The following WLS variants were observed in gnomAD, a reference collection of about 807,000 sequenced individuals.
WLS encodes Wnt ligand secretion mediator.
WLS carries 23 observed loss-of-function variants against 62.8 expected under a neutral mutation model. That is an observed-to-expected ratio of 0.37 (90% CI 0.26 to 0.52). The LOEUF (loss-of-function observed/expected upper bound fraction) is 0.52, where lower values mean the gene tolerates loss of function less well. WLS is among the 20% of genes least tolerant of loss of function. The pLI, the probability that WLS is intolerant of heterozygous loss-of-function variation, is 0.92. For missense variants in WLS, 615 were observed against 697.3 expected, an observed-to-expected ratio of 0.88 and a Z score of 1.33; for synonymous variants, 246 against 244.1, an observed-to-expected ratio of 1.01 and a Z score of -0.07.
intron 1 of WLS, among the ~76,000 whole-genome samples, chr1:68,216,480 T>C (rs1291070221): frequency 6.6e-6 from 1 of 152,220 alleles, no homozygotes; most frequent in Admixed American, 6.5e-5. Context: ...CAACAGAGCA[T>C]GGGAGAGTTC....
chr1:68,146,531 C>T (rs905453557), intron 8 of WLS, among the ~76,000 whole-genome samples: 2 of 152,212 alleles, frequency 1.3e-5, no homozygotes, highest in East Asian at 1.9e-4. Flanking sequence ...TGGGCTAGTC[C>T]TTGGAGTTTT....
intron 10 of WLS, among the ~76,000 whole-genome samples, chr1:68,139,332 T>C (rs908897085): frequency 6.6e-6 from 1 of 152,198 alleles, no homozygotes; most frequent in Admixed American, 6.5e-5. Flanking sequence ...AATGTCGCTC[T>C]TCTTTAAGTG....
At chr1:68,133,899 G>A (rs538588532) in intron 11 of WLS, among the ~76,000 whole-genome samples, 9 of 152,192 alleles carry the variant, frequency 5.9e-5, no homozygotes, top group South Asian at 2.1e-4. Flanking sequence ...TCTGTGCTCC[G>A]TCCAGGATCC....
At chr1:68,153,429 T>C in intron 5 of WLS, 88 bp downstream of exon 5, 1 of 1,568,960 alleles carries the variant, frequency 6.4e-7, no homozygotes, top group Non-Finnish European at 8.7e-7. Flanking sequence ...ACACACTGGC[T>C]GCTTGAACTG....
At chr1:68,111,234 C>T (rs1646225355) in intron 11 of WLS, among the ~76,000 whole-genome samples, 1 of 152,164 alleles carries the variant, frequency 6.6e-6, no homozygotes, top group African/African-American at 2.4e-5. Flanking sequence ...CTTTGGGGAC[C>T]ATAGATGAAC....
chr1:68,187,262 G>A (rs1249158336), intron 2 of WLS, among the ~76,000 whole-genome samples: 1 of 149,864 alleles, frequency 6.7e-6, no homozygotes, highest in Non-Finnish European at 1.5e-5. Context: ...TTTTTGGTGT[G>A]GTTTTCTTGA....
At chr1:68,206,595 G>A (rs555257699) in intron 1 of WLS, among the ~76,000 whole-genome samples, 33 of 152,300 alleles carry the variant, frequency 2.2e-4, no homozygotes, top group African/African-American at 7.7e-4. Context: ...CTTCGATTCT[G>A]GGCCACAAGT....
intron 11 of WLS, among the ~76,000 whole-genome samples, chr1:68,116,059 AC>A (rs764904523): frequency 2.6e-5 from 4 of 152,150 alleles, no homozygotes; most frequent in Non-Finnish European, 5.9e-5. Context: ...CAGAGCACTC[AC>A]CCTAACAGGG....
intron 11 of WLS, among the ~76,000 whole-genome samples, chr1:68,130,561 A>G (rs1286969961): frequency 6.6e-6 from 1 of 152,204 alleles, no homozygotes; most frequent in Non-Finnish European, 1.5e-5. Flanking sequence ...AGCTAAGTTC[A>G]AATGATAACT....
intron 2 of WLS, among the ~76,000 whole-genome samples, chr1:68,173,966 C>T (rs573729394): frequency 1.3e-5 from 2 of 152,150 alleles, no homozygotes; most frequent in Non-Finnish European, 2.9e-5. Flanking sequence ...AGGAAATAAA[C>T]ATGCATCATT....
chr1:68,109,550 C>G (rs1646193230), intron 11 of WLS, among the ~76,000 whole-genome samples: 1 of 151,800 alleles, frequency 6.6e-6, no homozygotes, highest in South Asian at 2.1e-4. Context: ...CAATGCTAGA[C>G]TATAAAAAGT....
intron 3 of WLS, 39 bp downstream of exon 3, chr1:68,159,084 C>T (rs1251838563): frequency 1.2e-6 from 2 of 1,609,924 alleles, no homozygotes; most frequent in Non-Finnish European, 1.7e-6. Flanking sequence ...ACCTGAGAAC[C>T]AAATAAAAAC....
In WLS at chr1:68,110,651, ATCTCTGTC is replaced by A. The variant is rs780600271; in HGVS notation, c.1511-11906_1511-11899del. The stretch of plus-strand genomic sequence containing the variant: ...GGAACAGACTAAGAAGCCCCCAAAA[ATCTCTGTC>A]TCTCTCTCTCTCTCTCTCTCTCTCT... On this transcript the variant is annotated intron_variant, in intron 11 of 11. Transcript: ENST00000354777. 3.3e-3 allele frequency among the ~76,000 whole-genome samples: 414 copies of A among 126,230 alleles called. 2 individuals are homozygous for A. The highest frequency in any genetic ancestry group is 0.011 in the African/African-American group (373 of 32,530). The allele number at this position is 126,230 out of a possible 152,430, so 82.8% of individuals were successfully genotyped here.
At chr1:68,175,661 T>C (rs925943953) in intron 2 of WLS, among the ~76,000 whole-genome samples, 1 of 152,190 alleles carries the variant, frequency 6.6e-6, no homozygotes, top group Admixed American at 6.5e-5. Flanking sequence ...TATAAAACCA[T>C]GCCTGTCCTC....
At chr1:68,166,122 G>A (rs1376852225) in intron 2 of WLS, among the ~76,000 whole-genome samples, 1 of 152,160 alleles carries the variant, frequency 6.6e-6, no homozygotes, top group Admixed American at 6.5e-5. Flanking sequence ...AAGCTCCTGT[G>A]GTTTCTGTGC....
chr1:68,113,647 C>T (rs1043865020), intron 11 of WLS, among the ~76,000 whole-genome samples: 1 of 152,176 alleles, frequency 6.6e-6, no homozygotes, highest in African/African-American at 2.4e-5. Flanking sequence ...CCGCAAGCCT[C>T]ACTGTTCAAG....
At chr1:68,114,485 G>C (rs1646266173) in intron 11 of WLS, among the ~76,000 whole-genome samples, 1 of 152,188 alleles carries the variant, frequency 6.6e-6, no homozygotes, top group South Asian at 2.1e-4. Context: ...TATATGCCAA[G>C]CACTGTCCTA....
chr1:68,160,917 C>T (rs558763733), intron 2 of WLS, among the ~76,000 whole-genome samples: 3 of 152,132 alleles, frequency 2.0e-5, no homozygotes, highest in East Asian at 1.9e-4. Context: ...TAAAATATCA[C>T]GTGAAGAAAA....
chr1:68,109,275 CA>C (rs1454995257), intron 11 of WLS, among the ~76,000 whole-genome samples: 2 of 152,232 alleles, frequency 1.3e-5, no homozygotes, highest in African/African-American at 4.8e-5. Flanking sequence ...TCAACAAAAA[CA>C]AATCTCTCTG....
Sources: allele counts gnomAD v4.1 joint callset (sites outside exome capture counted in the v4.1 genomes callset), GRCh38; gene constraint gnomAD v4.1.1; transcripts MANE v1.5; gene names NCBI Gene and HGNC (gene_info 2026-07-23, HGNC 2026-07-21).